INTS1: variants seen among roughly 807,000 people sequenced by gnomAD.
INTS1 encodes the protein integrator complex subunit 1.
Under a neutral mutation model 241.6 loss-of-function variants are expected in INTS1, and 137 were observed. The ratio of observed to expected loss-of-function variants is 0.57; its 90% confidence interval spans 0.49 to 0.65. The LOEUF (loss-of-function observed/expected upper bound fraction) is 0.65. Among genes scored for constraint, INTS1 ranks in the 30% least tolerant of loss-of-function variants. INTS1 has a pLI of 0.00. For synonymous variants in INTS1, 1,692 were observed against 1,337.8 expected, an observed-to-expected ratio of 1.26 and a Z score of -5.78; for missense variants, 3,073 against 3,032.2, an observed-to-expected ratio of 1.01 and a Z score of -0.32.
At chr7:1,479,160 C>T (rs929619709) in intron 31 of INTS1, among the ~76,000 whole-genome samples, 6 of 152,260 alleles carry the variant, frequency 3.9e-5, no homozygotes, top group African/African-American at 1.4e-4. Flanking sequence ...AAACACAGTC[C>T]TAGGTACCAG....
In INTS1 at chr7:1,483,758, C is replaced by T. The variant is rs544879046; in HGVS notation, c.3525G>A (p.Thr1175=). 14 of 1,610,734 alleles carry T rather than the reference C, an allele frequency of 8.7e-6. No homozygotes were observed. The East Asian group carries it at 8.9e-5, about 10-fold the overall frequency. ...LVVHAMVILL[T]LGPPRADDSE... ...GCGGCTCACCTCGAGGCGGGCCCAGCGTCAGCAGGATCACCATGGCATGGA... is the reference window on the plus strand; with the variant it reads ...GCGGCTCACCTCGAGGCGGGCCCAGTGTCAGCAGGATCACCATGGCATGGA... The change falls in exon 26 of 48, where the codon ACG becomes ACA. Residue 1175 remains threonine, a synonymous_variant. Coordinates refer to ENST00000404767, the MANE Select transcript of INTS1 (RefSeq NM_001080453.3).
intron 39 of INTS1, among the ~76,000 whole-genome samples, 174 bp from the exon 40 acceptor site, chr7:1,475,012 G>A (rs1781645005): frequency 6.6e-6 from 1 of 152,372 alleles, no homozygotes; most frequent in African/African-American, 2.4e-5. Context: ...GCCACAGCCA[G>A]CCTCTGGGAA....
Position 1,493,159 on chromosome 7 carries a change from A to ACAGG in INTS1, c.2069-57_2069-54dup. 1 of 1,469,940 alleles carries ACAGG rather than the reference A, an allele frequency of 6.8e-7. No individual in the cohort carries two copies. The highest frequency in any genetic ancestry group is 1.1e-5 in the South Asian group (1 of 87,980). The allele number at this position is 1,469,940 out of a possible 1,614,324, so 91.1% of individuals were successfully genotyped here. ...TGGGGCTGCTCACAGACCATCAGGC[A>ACAGG]CAGGCAGCGAGGGAACCGGCCCTGC... On this transcript the variant is annotated intron_variant, in intron 15 of 47. Coordinates refer to ENST00000404767, the MANE Select transcript of INTS1 (RefSeq NM_001080453.3). This position sits in a 1 kb window ranked among gnomAD's most constrained non-coding sequence, Gnocchi z 5.3.
In INTS1 at chr7:1,481,360, G is replaced by C; in HGVS notation, c.3832C>G (p.Gln1278Glu). 1.2e-6 allele frequency: 2 copies of C among 1,613,056 alleles called. No individual in the cohort carries two copies. Among genetic ancestry groups the C allele is most frequent in the Non-Finnish European group, 1.7e-6 (2 of 1,179,798 alleles). Reference sequence around the variant, plus strand: ...ATCTTACTCTTGTCCATGATGTTCTGCTCCAGAGTCTGGGGGTCGTGGGCC... The same window carrying C: ...ATCTTACTCTTGTCCATGATGTTCTCCTCCAGAGTCTGGGGGTCGTGGGCC... ...AVAHDPQTLE[Q>E]NIMDKNYMAH... The change falls in exon 28 of 48, where the codon CAG becomes GAG. Residue 1278 changes from glutamine to glutamate, a missense_variant. Coordinates refer to ENST00000404767, the MANE Select transcript of INTS1 (RefSeq NM_001080453.3). This position sits in a 1 kb window ranked among gnomAD's most constrained non-coding sequence, Gnocchi z 6.8.
At chr7:1,478,006 T>C in intron 33 of INTS1, 70 bp from the exon 34 acceptor site, 1 of 1,319,004 alleles carries the variant, frequency 7.6e-7, no homozygotes, top group East Asian at 2.3e-5. Flanking sequence ...GGGTGTGGGC[T>C]AGCCAGGGTG....
chr7:1,480,763 G>T (rs1212407906), intron 29 of INTS1, 72 bp downstream of exon 29: 1 of 1,251,508 alleles, frequency 8.0e-7, no homozygotes. Context: ...CCCCTCCCCA[G>T]GCTGGGTCTC....
intron 10 of INTS1, 172 bp downstream of exon 10, chr7:1,498,240 G>A (rs1222306821): frequency 2.3e-5 from 23 of 995,148 alleles, no homozygotes; most frequent in Non-Finnish European, 3.2e-5. Context: ...ACCCACTCTA[G>A]AAACGGCTCA....
rs759321646 is a variant in INTS1 at position 1,499,124 on chromosome 7, G to A, written c.988C>T (p.Leu330=). 3 of 1,611,688 alleles carry A rather than the reference G, an allele frequency of 1.9e-6. No individual in the cohort carries two copies. Among genetic ancestry groups the A allele is most frequent in the Admixed American group, 3.3e-5 (2 of 59,976 alleles). ...TTCAGCTGGTCCCGCAGCATGTCCAGGACATACTCCTCCACGCTCTCCGCG... is the reference window on the plus strand; with the variant it reads ...TTCAGCTGGTCCCGCAGCATGTCCAAGACATACTCCTCCACGCTCTCCGCG... ...ELAESVEEYV[L]DMLRDQLNRR... is the part of the protein sequence containing the mutation. Residue 330 remains leucine (L), a synonymous_variant, in exon 8 of 48, where the codon CTG becomes TTG. Transcript: ENST00000404767.
At chr7:1,498,637 GC>G in intron 9 of INTS1, 69 bp downstream of exon 9, 1 of 315,136 alleles carries the variant, frequency 3.2e-6, no homozygotes, top group Non-Finnish European at 4.4e-6. Context: ...CCGCACCCCC[GC>G]TCCGCCCACA....
In INTS1 at chr7:1,487,320, C is replaced by G; in HGVS notation, c.2646G>C (p.Gln882His). 1 of 1,592,738 alleles carries G rather than the reference C, an allele frequency of 6.3e-7. No individual in the cohort carries two copies. The highest frequency in any genetic ancestry group is 1.3e-5 in the African/African-American group (1 of 74,788). Residue 882 changes from glutamine to histidine, a missense_variant and splice_region_variant, in exon 20 of 48, where the codon CAG (glutamine) becomes CAC (histidine). By Grantham distance (24) the Gln-to-His change is conservative. Coordinates refer to ENST00000404767, the MANE Select transcript of INTS1 (RefSeq NM_001080453.3). ...PDFLLHIIQR[Q>H]ASSQSMPWLA... The stretch of plus-strand genomic sequence containing the variant: ...TACCTCCTGGAGCCTCGGCACTCAC[C>G]TGCCGCTGGATGATGTGGAGGAGAA...
At position 1,472,343 on chromosome 7, in the gene INTS1, C is replaced by G; in HGVS notation, c.6114G>C (p.Leu2038=). 6.4e-7 allele frequency: 1 copy of G among 1,573,770 alleles called. No homozygotes were observed. Among genetic ancestry groups the G allele is most frequent in the South Asian group, 1.2e-5 (1 of 85,814 alleles). Residue 2038 remains leucine, a synonymous_variant, in exon 44 of 48, where the codon CTG becomes CTC. Transcript: ENST00000404767. The part of the protein sequence containing the change: ...AGSLPLVSVS[L]FTPLTAAEMA... ...TCTCGGCCGCGGTCAGAGGGGTGAACAGGGAGACGCTGACCAGGGGCAAGG... is the reference window on the plus strand; with the variant it reads ...TCTCGGCCGCGGTCAGAGGGGTGAAGAGGGAGACGCTGACCAGGGGCAAGG...
Position 1,503,871 on chromosome 7 carries a change from C to A in INTS1, c.58+32G>T, listed in dbSNP as rs368872074. The A allele has an allele frequency of 1.4e-3, 2,079 of 1,536,072 alleles. 5 individuals carry two copies. The highest frequency in any genetic ancestry group is 1.7e-3 in the Non-Finnish European group (1,940 of 1,133,974). On this transcript the variant is annotated intron_variant, in intron 2 of 47. Coordinates refer to ENST00000404767, the MANE Select transcript of INTS1 (RefSeq NM_001080453.3). ...AAGACCCCCAAAGACCCCCAAAGAC[C>A]CCCGGGCTGCAGAGCGAGGAGGGAG...
intron 16 of INTS1, among the ~76,000 whole-genome samples, chr7:1,490,037 T>C (rs1032309545): frequency 6.6e-6 from 1 of 151,786 alleles, no homozygotes; most frequent in African/African-American, 2.4e-5. Flanking sequence ...AACGATACAA[T>C]TAAATCAAAG....
At position 1,470,446 on chromosome 7, in the gene INTS1, G is replaced by C. The variant is rs1453911906; in HGVS notation, c.*131C>G. 4 of 663,066 alleles carry C rather than the reference G, an allele frequency of 6.0e-6. No homozygotes were observed. In the South Asian group the frequency reaches 8.4e-5, roughly 14 times the overall value. 41.1% of individuals were successfully genotyped at this position (663,066 alleles called of 1,614,324 possible). A position where few individuals can be genotyped will look rare whatever the true frequency, so the allele number is the denominator to read the frequency against. On this transcript the variant is annotated 3_prime_UTR_variant, in exon 48 of 48. Coordinates refer to ENST00000404767, the MANE Select transcript of INTS1 (RefSeq NM_001080453.3). Reference sequence around the variant, plus strand: ...GGCTCGGAGTATTGCTCCTGGGCCTGCCTGGCCTCAGGGCTCGGCGCCCTC... The same window carrying C: ...GGCTCGGAGTATTGCTCCTGGGCCTCCCTGGCCTCAGGGCTCGGCGCCCTC...
chr7:1,493,242 G>T lies in INTS1; in HGVS notation c.2069-136C>A. The T allele has an allele frequency of 1.5e-6, 1 of 661,904 alleles. No individual in the cohort carries two copies. The highest frequency in any genetic ancestry group is 1.9e-5 in the South Asian group (1 of 53,440). The allele number at this position is 661,904 out of a possible 1,614,324, so 41.0% of individuals were successfully genotyped here. A position where few individuals can be genotyped will look rare whatever the true frequency, so the allele number is the denominator to read the frequency against. Reference sequence around the variant, plus strand: ...GCAGGGTGGGGCGCAGGCCTGAGCAGGAGAGCTGGGGGAAGCTTGGCTTCT... The same window carrying T: ...GCAGGGTGGGGCGCAGGCCTGAGCATGAGAGCTGGGGGAAGCTTGGCTTCT... On this transcript the variant is annotated intron_variant, in intron 15 of 47. Transcript: ENST00000404767. The surrounding 1 kb of genome is among the most constrained non-coding windows in gnomAD (Gnocchi z 5.3).
chr7:1,484,978 GCCCCGTCCCCT>G (rs1404009182), intron 24 of INTS1, 109 bp downstream of exon 24: 1 of 558,528 alleles, frequency 1.8e-6, no homozygotes, highest in African/African-American at 2.2e-5. Context: ...CTGCCGGCTG[GCCCCGTCCCCT>G]CCCCAGGGCC....
chr7:1,503,852 C>CCCAAAGACCA, intron 2 of INTS1, 51 bp downstream of exon 2: 1 of 1,396,876 alleles, frequency 7.2e-7, no homozygotes, highest in South Asian at 1.2e-5. Context: ...CCCAAAGACC[C>CCCAAAGACCA]CCAAAGACCC....
rs986083968 is a variant in INTS1 at position 1,497,415 on chromosome 7, C to T, written c.1426-101G>A. 16 of 1,254,448 alleles carry T rather than the reference C, an allele frequency of 1.3e-5. No homozygotes were observed. The African/African-American group carries it at 2.2e-4, about 18-fold the overall frequency. The allele number at this position is 1,254,448 out of a possible 1,614,324, so 77.7% of individuals were successfully genotyped here. A position where few individuals can be genotyped will look rare whatever the true frequency, so the allele number is the denominator to read the frequency against. Reference sequence around the variant, plus strand: ...ACAGGTATGGCGCCCGAGGGCGCTGCAGTGGGTCTCAGACAGTGTGGGGTG... The same window carrying T: ...ACAGGTATGGCGCCCGAGGGCGCTGTAGTGGGTCTCAGACAGTGTGGGGTG... On this transcript the variant is annotated intron_variant, in intron 10 of 47. Coordinates refer to ENST00000404767, the MANE Select transcript of INTS1 (RefSeq NM_001080453.3). This position sits in a 1 kb window ranked among gnomAD's most constrained non-coding sequence, Gnocchi z 5.3.
chr7:1,500,037 C>A lies in INTS1; in HGVS notation c.547-16G>T, dbSNP rs1166829167. 1.2e-6 allele frequency: 2 copies of A among 1,610,966 alleles called. No homozygotes were observed. Among genetic ancestry groups the A allele is most frequent in the Non-Finnish European group, 1.7e-6 (2 of 1,178,590 alleles). The stretch of plus-strand genomic sequence containing the variant: ...TACACAGAGCCTGCCAGGGAGGGCG[C>A]ATGTCACGTGGGAGCTTCGCTGGCC... On this transcript the variant is annotated splice_polypyrimidine_tract_variant and intron_variant, in intron 4 of 47. Coordinates refer to ENST00000404767, the MANE Select transcript of INTS1 (RefSeq NM_001080453.3).
Sources: gnomAD v4.1 joint callset for allele counts (sites outside exome capture counted in the v4.1 genomes callset) on GRCh38, gnomAD v4.1.1 for gene constraint, Gnocchi (gnomAD v3.1) non-coding constraint, MANE v1.5 for transcripts, NCBI Gene and HGNC (gene_info 2026-07-23, HGNC 2026-07-21) for gene names.